Variants in CDH12 observed in about 807,000 individuals in gnomAD.
CDH12 encodes cadherin-12.
A neutral mutation model predicts 74.1 loss-of-function variants in CDH12; 41 were observed. That is an observed-to-expected ratio of 0.55 (90% CI 0.43 to 0.72). The LOEUF is 0.72. Ranked by LOEUF, CDH12 falls within the 30% of genes least tolerant of loss-of-function variation. The probability of loss-of-function intolerance (pLI) is 0.00; values close to 1 mark genes in which losing one functional copy is unlikely to be tolerated. For missense variants in CDH12, 945 were observed against 977.2 expected, an observed-to-expected ratio of 0.97 and a Z score of 0.44; for synonymous variants, 399 against 355.0, an observed-to-expected ratio of 1.12 and a Z score of -1.39.
rs1424089282 is a variant in CDH12, at chr5:22,110,402, CAG to C, written c.-186-31542_-186-31541del. Among the ~76,000 whole-genome samples the C allele has an allele frequency of 4.0e-5, 6 of 150,808 alleles. No homozygotes were observed. In the South Asian group the frequency reaches 8.4e-4, roughly 21 times the overall value. On this transcript the variant is annotated intron_variant, in intron 4 of 14. Coordinates refer to ENST00000382254, the MANE Select transcript of CDH12 (RefSeq NM_004061.5). ...GAGGCCAGGTACGCTACATGGGAGA[CAG>C]GGGTAGTACTCAAATCAATCTCCCC...
chr5:22,374,265 C>T (rs1741426544), intron 3 of CDH12, among the ~76,000 whole-genome samples: 1 of 152,058 alleles, frequency 6.6e-6, no homozygotes, highest in Non-Finnish European at 1.5e-5. Context: ...AATATCCCTT[C>T]ATGATAAAAA....
At chr5:22,008,310 A>G (rs1580105048) in intron 5 of CDH12, among the ~76,000 whole-genome samples, 1 of 151,864 alleles carries the variant, frequency 6.6e-6, no homozygotes, top group Middle Eastern at 3.4e-3. Flanking sequence ...GCTCACTGTA[A>G]CCTCCACCTC....
intron 1 of CDH12, among the ~76,000 whole-genome samples, chr5:22,783,409 A>G (rs1747477222): frequency 6.6e-6 from 1 of 152,178 alleles, no homozygotes; most frequent in Admixed American, 6.6e-5. Flanking sequence ...ACTGGCTTTA[A>G]TAAACCCGGT....
chr5:22,310,465 A>T lies in CDH12; in HGVS notation c.-333+94792T>A, dbSNP rs531157644. 4.0e-5 allele frequency among the ~76,000 whole-genome samples: 6 copies of T among 151,734 alleles called. No individual in the cohort carries two copies. The South Asian group carries it at 1.3e-3, about 32-fold the overall frequency. ...GTGACAGAGTGAGACTCTGTCTCAAAAAAAAAAAAATGGCAATGGCAAAAA... is the reference window on the plus strand; with the variant it reads ...GTGACAGAGTGAGACTCTGTCTCAATAAAAAAAAAATGGCAATGGCAAAAA... On this transcript the variant is annotated intron_variant, in intron 3 of 14. Coordinates refer to ENST00000382254, the MANE Select transcript of CDH12 (RefSeq NM_004061.5).
At chr5:21,888,915 T>G (rs1752768215) in intron 6 of CDH12, among the ~76,000 whole-genome samples, 1 of 152,046 alleles carries the variant, frequency 6.6e-6, no homozygotes, top group Non-Finnish European at 1.5e-5. Flanking sequence ...TCTATCATTA[T>G]AGATAAGGGC....
At chr5:22,038,879 C>T (rs758625275) in intron 5 of CDH12, among the ~76,000 whole-genome samples, 11 of 152,174 alleles carry the variant, frequency 7.2e-5, no homozygotes, top group Non-Finnish European at 1.3e-4. Flanking sequence ...GGCTAAAATG[C>T]CCTCCGATAC....
At chr5:22,768,671 A>T (rs1269197133) in intron 1 of CDH12, among the ~76,000 whole-genome samples, 1 of 152,154 alleles carries the variant, frequency 6.6e-6, no homozygotes, top group African/African-American at 2.4e-5. Flanking sequence ...GTATTAAAAA[A>T]ATGAATAAGA....
chr5:21,889,506 AT>A (rs1752799463), intron 6 of CDH12: 6 of 812,356 alleles, frequency 7.4e-6, no homozygotes, highest in Non-Finnish European at 7.4e-6. Context: ...TGAAAGAAAA[AT>A]ATATTACCAA....
chr5:22,030,116 G>T (rs1190074384), intron 5 of CDH12, among the ~76,000 whole-genome samples: 1 of 150,608 alleles, frequency 6.6e-6, no homozygotes, highest in Admixed American at 6.6e-5. Flanking sequence ...ACGGTTGTGG[G>T]GTGGGGGGGA....
At chr5:22,749,233 C>G (rs1745442772) in intron 1 of CDH12, among the ~76,000 whole-genome samples, 1 of 152,164 alleles carries the variant, frequency 6.6e-6, no homozygotes, top group South Asian at 2.1e-4. Context: ...AGGGCCTGGC[C>G]CTGAAGCAAA....
intron 3 of CDH12, among the ~76,000 whole-genome samples, chr5:22,389,697 G>A (rs1364150232): frequency 6.7e-6 from 1 of 149,022 alleles, no homozygotes; most frequent in Admixed American, 6.7e-5. Flanking sequence ...CGCCAGGCTG[G>A]AGTGCAGTGG....
Position 21,796,236 on chromosome 5 carries a change from C to T in CDH12, c.1256+5931G>A, listed in dbSNP as rs541694891. Among the ~76,000 whole-genome samples, 11 of 152,122 alleles carry T rather than the reference C, an allele frequency of 7.2e-5. No individual in the cohort carries two copies. The East Asian group carries it at 9.7e-4, about 13-fold the overall frequency. On this transcript the variant is annotated intron_variant, in intron 10 of 14. Coordinates refer to ENST00000382254, the MANE Select transcript of CDH12 (RefSeq NM_004061.5). The stretch of plus-strand genomic sequence containing the variant: ...AAATGCATCTAAGACACTTAAGCTC[C>T]TGAACATTCTAGCTTAGCCTAGTCT...
chr5:22,086,508 T>C (rs1421446930), intron 4 of CDH12, among the ~76,000 whole-genome samples: 1 of 151,784 alleles, frequency 6.6e-6, no homozygotes, highest in Non-Finnish European at 1.5e-5. Flanking sequence ...CAAGTCCCAC[T>C]AATTTGTTTT....
intron 1 of CDH12, among the ~76,000 whole-genome samples, chr5:22,623,507 C>T (rs371237844): frequency 6.6e-6 from 1 of 152,028 alleles, no homozygotes; most frequent in East Asian, 1.9e-4. Context: ...ACAAGCATTC[C>T]TATACACCAA....
At chr5:21,755,203 T>G (rs73054905) in intron 14 of CDH12, among the ~76,000 whole-genome samples, 1 of 152,180 alleles carries the variant, frequency 6.6e-6, no homozygotes, top group Non-Finnish European at 1.5e-5. Flanking sequence ...TGACATAATC[T>G]CTTATTAGAC....
At chr5:22,408,725 A>T (rs1021337569) in intron 2 of CDH12, among the ~76,000 whole-genome samples, 43 of 151,482 alleles carry the variant, frequency 2.8e-4, no homozygotes, top group Non-Finnish European at 6.0e-4. Flanking sequence ...ACTAAATTAG[A>T]CTCAATATCA....
chr5:21,814,572 G>A (rs189513512), intron 9 of CDH12, among the ~76,000 whole-genome samples: 1 of 151,216 alleles, frequency 6.6e-6, no homozygotes, highest in Non-Finnish European at 1.5e-5. Context: ...GGTATAGGTG[G>A]TAAATATGTG....
chr5:22,626,861 G>C (rs1368168370), intron 1 of CDH12, among the ~76,000 whole-genome samples: 1 of 152,118 alleles, frequency 6.6e-6, no homozygotes, highest in African/African-American at 2.4e-5. Context: ...ATGATAAAAT[G>C]ATACAGGAAT....
intron 1 of CDH12, among the ~76,000 whole-genome samples, chr5:22,609,253 T>G (rs1027305400): frequency 6.6e-6 from 1 of 152,222 alleles, no homozygotes; most frequent in South Asian, 2.1e-4. Context: ...TTTATACTTA[T>G]GTACATAATG....
Sources: gnomAD v4.1 joint callset for allele counts (sites outside exome capture counted in the v4.1 genomes callset) on GRCh38, gnomAD v4.1.1 for gene constraint, MANE v1.5 for transcripts, NCBI Gene and HGNC (gene_info 2026-07-23, HGNC 2026-07-21) for gene names.